Variants in ERG observed in about 807,000 individuals in gnomAD.
ERG encodes ETS transcription factor ERG.
In ERG, 9 loss-of-function variants were observed where a neutral mutation model predicts 55.3. That is an observed-to-expected ratio of 0.16 (90% CI 0.10 to 0.28). The LOEUF is 0.28. Ranked by LOEUF, ERG falls within the 10% of genes least tolerant of loss-of-function variation. The probability of loss-of-function intolerance (pLI) is 1.00; values close to 1 mark genes in which losing one functional copy is unlikely to be tolerated. For missense variants in ERG, 434 were observed against 631.6 expected, an observed-to-expected ratio of 0.69 and a Z score of 3.35; for synonymous variants, 223 against 237.3, an observed-to-expected ratio of 0.94 and a Z score of 0.55.
intron 6 of ERG, among the ~76,000 whole-genome samples, chr21:38,392,669 G>T (rs1317078481): frequency 6.6e-6 from 1 of 152,192 alleles, no homozygotes; most frequent in Non-Finnish European, 1.5e-5. Context: ...TCCATTGGCA[G>T]ATTCTCCCAG....
In ERG at chr21:38,445,459, G is replaced by A; in HGVS notation, c.181C>T (p.Pro61Ser). The part of the protein sequence containing the change: ...VPQQDWLSQP[P>S]ARVTIKMECN... ...TCCATTTTGATGGTGACCCTGGCTG[G>A]GGGTTGAGACAGCCAATCCTGCTGA... Residue 61 changes from proline to serine, a missense_variant, in exon 2 of 10, where the codon CCA becomes TCA. Physicochemically the swap from Pro to Ser is moderately conservative, Grantham distance 74. Transcript: ENST00000288319. 6.2e-7 allele frequency: 1 copy of A among 1,614,156 alleles called. No homozygotes were observed. The highest frequency in any genetic ancestry group is 8.5e-7 in the Non-Finnish European group (1 of 1,180,004).
chr21:38,622,422 A>AT lies in ERG; in HGVS notation c.-149-37478_-149-37477insA, dbSNP rs1555875376. ...CACACTACATGCTCATACATATCAC[A>AT]CACACACACACACCCCCCACACATG... On this transcript the variant is annotated intron_variant, in intron 1 of 10. Coordinates refer to the ERG transcript ENST00000398910. Among the ~76,000 whole-genome samples, 7 of 150,744 alleles carry AT rather than the reference A, an allele frequency of 4.6e-5. No homozygotes were observed. In the East Asian group the frequency reaches 1.4e-3, roughly 30 times the overall value.
In ERG at chr21:38,429,395, A is replaced by ATACATATATATG. The variant is rs1555897793; in HGVS notation, c.237-5835_237-5834insCATATATATGTA. On this transcript the variant is annotated intron_variant, in intron 2 of 9. Transcript: ENST00000288319. ...CACATATACATATATATGTACACATATACACATGTACATACGCACATATAA... is the reference window on the plus strand; with the variant it reads ...CACATATACATATATATGTACACATATACATATATATGTACACATGTACATACGCACATATAA... 1.4e-4 allele frequency among the ~76,000 whole-genome samples: 2 copies of ATACATATATATG among 14,010 alleles called. 1 individual carries two copies. Among genetic ancestry groups the ATACATATATATG allele is most frequent in the South Asian group, 0.043 (2 of 46 alleles). 9.2% of individuals were successfully genotyped at this position (14,010 alleles called of 152,430 possible).
chr21:38,407,513 T>C (rs534207293), intron 3 of ERG, among the ~76,000 whole-genome samples: 5 of 151,752 alleles, frequency 3.3e-5, no homozygotes, highest in Middle Eastern at 3.4e-3. Context: ...TTTAGATTTG[T>C]CATTTTCACT....
intron 2 of ERG, among the ~76,000 whole-genome samples, chr21:38,509,261 G>A (rs1278789766): frequency 3.3e-5 from 5 of 152,170 alleles, no homozygotes; most frequent in African/African-American, 9.7e-5. Context: ...CTTTTGCAAC[G>A]TTGCTACAGC....
chr21:38,398,990 T>C (rs1415220249), intron 6 of ERG, among the ~76,000 whole-genome samples: 3 of 152,242 alleles, frequency 2.0e-5, no homozygotes, highest in East Asian at 3.8e-4. Context: ...TTAGTTTATA[T>C]GGAAATATTT....
intron 2 of ERG, among the ~76,000 whole-genome samples, chr21:38,441,555 A>T (rs1569102420): frequency 6.6e-6 from 1 of 152,156 alleles, no homozygotes; most frequent in Non-Finnish European, 1.5e-5. Context: ...TTCTCTAGAG[A>T]ATCCCAACTG....
intron 1 of ERG, among the ~76,000 whole-genome samples, chr21:38,660,933 C>T (rs1012643368): frequency 3.3e-5 from 5 of 152,018 alleles, no homozygotes; most frequent in African/African-American, 1.2e-4. Context: ...GCGGGCCGCG[C>T]GGGCAGGTTT....
chr21:38,573,963 A>G (rs2059979405), intron 2 of ERG, among the ~76,000 whole-genome samples: 1 of 152,226 alleles, frequency 6.6e-6, no homozygotes, highest in Non-Finnish European at 1.5e-5. Context: ...ACACATTTTC[A>G]AAGATGGTGT....
chr21:38,388,473 A>T (rs1987809713), intron 9 of ERG, among the ~76,000 whole-genome samples: 2 of 152,252 alleles, frequency 1.3e-5, no homozygotes, highest in Admixed American at 1.3e-4. Flanking sequence ...CAAAGACAGC[A>T]ATTTTTAAGT....
intron 1 of ERG, among the ~76,000 whole-genome samples, chr21:38,593,574 C>T (rs73217913): frequency 0.038 from 5,772 of 152,056 alleles, 145 homozygotes; most frequent in Middle Eastern, 0.11. Context: ...CTTAAAGAAG[C>T]AAATGCATAG....
chr21:38,570,053 A>T (rs1198727681), intron 2 of ERG, among the ~76,000 whole-genome samples: 2 of 152,140 alleles, frequency 1.3e-5, no homozygotes, highest in Non-Finnish European at 2.9e-5. Flanking sequence ...CTCAGGTACA[A>T]GGGAATACAG....
chr21:38,407,751 TA>T (rs994564798), intron 3 of ERG, among the ~76,000 whole-genome samples: 15 of 145,920 alleles, frequency 1.0e-4, no homozygotes, highest in African/African-American at 3.7e-4. Context: ...TTTAAAAGTA[TA>T]AAAAATAAAA....
chr21:38,445,727 C>T (rs1010176890), intron 1 of ERG, 106 bp from the exon 2 acceptor site: 3 of 814,338 alleles, frequency 3.7e-6, no homozygotes, highest in South Asian at 1.6e-5. Flanking sequence ...CATTTTAGAT[C>T]GTTTTTATGG....
intron 2 of ERG, among the ~76,000 whole-genome samples, chr21:38,430,009 T>A (rs530132014): frequency 1.3e-5 from 2 of 152,350 alleles, no homozygotes; most frequent in South Asian, 4.1e-4. Context: ...TTTTCCATAG[T>A]GGTTGTACTA....
intron 2 of ERG, among the ~76,000 whole-genome samples, chr21:38,554,340 G>T (rs1055646794): frequency 5.3e-5 from 8 of 152,098 alleles, no homozygotes; most frequent in Non-Finnish European, 8.8e-5. Context: ...GTATATAAAG[G>T]AATATAAATT....
chr21:38,420,337 T>G (rs541548245), intron 3 of ERG, among the ~76,000 whole-genome samples: 3 of 152,156 alleles, frequency 2.0e-5, no homozygotes, highest in Non-Finnish European at 4.4e-5. Flanking sequence ...TCTGTGTGTG[T>G]ATGAGCACAC....
Position 38,396,981 on chromosome 21 carries a change from T to A in ERG, c.745+3593A>T, listed in dbSNP as rs969837456. Among the ~76,000 whole-genome samples the A allele has an allele frequency of 4.6e-5, 7 of 152,182 alleles. No individual in the cohort carries two copies. In the East Asian group the frequency reaches 1.3e-3, roughly 29 times the overall value. ...GTAAAATGATATGCCTATGGGTTGA[T>A]ACTTTATGAGAGTAGAGAAGACTGT... is the stretch of plus-strand genomic sequence containing the variant. On this transcript the variant is annotated intron_variant, in intron 6 of 9. Transcript: ENST00000288319.
rs367857596 is a variant in ERG, at chr21:38,572,920, G to A, written c.-41+2742C>T. ...CTATGTAGAAAGGAAAGACATAAGA[G>A]ACTCCATTTTGAAAAAGACCTGTAC... On this transcript the variant is annotated intron_variant, in intron 2 of 8. Coordinates refer to the ERG transcript ENST00000398897. Among the ~76,000 whole-genome samples the A allele has an allele frequency of 1.6e-4, 25 of 152,298 alleles. No homozygotes were observed. The East Asian group carries it at 1.9e-3, about 12-fold the overall frequency.
Sources: allele counts gnomAD v4.1 joint callset (sites outside exome capture counted in the v4.1 genomes callset), GRCh38; gene constraint gnomAD v4.1.1; transcripts MANE v1.5; gene names NCBI Gene and HGNC (gene_info 2026-07-23, HGNC 2026-07-21).